MARCHF4: variants seen among roughly 807,000 people sequenced by gnomAD.
MARCHF4 encodes membrane associated ring-CH-type finger 4, also known as E3 ubiquitin-protein ligase MARCHF4.
Under a neutral mutation model 43.9 loss-of-function variants are expected in MARCHF4, and 14 were observed. The observed-to-expected ratio is 0.32, with a 90% CI of 0.21 to 0.50. The LOEUF (loss-of-function observed/expected upper bound fraction) is 0.50, where lower values mean the gene tolerates loss of function less well. Among genes scored for constraint, MARCHF4 ranks in the 20% least tolerant of loss-of-function variants. MARCHF4 has a pLI of 0.98. For synonymous variants in MARCHF4, 226 were observed against 213.3 expected (o/e 1.06, Z -0.52); for missense variants, 468 against 536.7 (o/e 0.87, Z 1.27).
intron 1 of MARCHF4, among the ~76,000 whole-genome samples, chr2:216,304,481 C>T (rs1691548348): frequency 6.6e-6 from 1 of 152,154 alleles, no homozygotes; most frequent in South Asian, 2.1e-4. Context: ...TGACCGAGGA[C>T]AAATTGAATG....
intron 3 of MARCHF4, among the ~76,000 whole-genome samples, chr2:216,262,981 C>T (rs565013656): frequency 4.6e-5 from 7 of 152,268 alleles, no homozygotes; most frequent in South Asian, 4.2e-4. Flanking sequence ...CAAATGCCTC[C>T]GGGGTACAGG....
At chr2:216,266,366 T>C (rs920526697) in intron 3 of MARCHF4, among the ~76,000 whole-genome samples, 5 of 152,122 alleles carry the variant, frequency 3.3e-5, no homozygotes, top group Non-Finnish European at 5.9e-5. Context: ...CCACATGATA[T>C]TGATTATCGT....
At chr2:216,326,695 G>A (rs1172634207) in intron 1 of MARCHF4, among the ~76,000 whole-genome samples, 1 of 151,876 alleles carries the variant, frequency 6.6e-6, no homozygotes. Flanking sequence ...ATCATTCTCA[G>A]TAAACTATCG....
At chr2:216,351,651 G>A (rs1005845636) in intron 1 of MARCHF4, 1 of 152,252 alleles carries the variant, frequency 6.6e-6, no homozygotes, top group Non-Finnish European at 1.5e-5. Flanking sequence ...AGCTCCATGA[G>A]AGTGGAGGCC....
At chr2:216,349,881 C>G (rs1692373542) in intron 1 of MARCHF4, among the ~76,000 whole-genome samples, 1 of 152,098 alleles carries the variant, frequency 6.6e-6, no homozygotes, top group Non-Finnish European at 1.5e-5. Context: ...TGCTCAAAAT[C>G]TTTATTATGT....
intron 3 of MARCHF4, among the ~76,000 whole-genome samples, chr2:216,274,132 G>A (rs997255820): frequency 4.6e-5 from 7 of 152,214 alleles, no homozygotes; most frequent in Admixed American, 4.6e-4. Flanking sequence ...GACTTCTGCG[G>A]GAACCCTGGA....
chr2:216,316,359 G>A (rs75951752), intron 1 of MARCHF4, among the ~76,000 whole-genome samples: 3,862 of 152,188 alleles, frequency 0.025, 165 homozygotes, highest in African/African-American at 0.088. Flanking sequence ...TTTCTAAAAC[G>A]GAGGCCCTAT....
intron 1 of MARCHF4, among the ~76,000 whole-genome samples, chr2:216,301,954 A>G (rs896180315): frequency 2.0e-5 from 3 of 152,210 alleles, no homozygotes; most frequent in African/African-American, 7.2e-5. Flanking sequence ...TGACATAGAG[A>G]AGTGGGACCA....
At chr2:216,297,173 T>C (rs1691410208) in intron 1 of MARCHF4, among the ~76,000 whole-genome samples, 1 of 152,224 alleles carries the variant, frequency 6.6e-6, no homozygotes, top group African/African-American at 2.4e-5. Context: ...GTAGCTTCTG[T>C]CATCTTGGCA....
At chr2:216,286,853 G>A (rs1691226291) in intron 1 of MARCHF4, among the ~76,000 whole-genome samples, 1 of 152,216 alleles carries the variant, frequency 6.6e-6, no homozygotes, top group Non-Finnish European at 1.5e-5. Flanking sequence ...ATGGATTCAA[G>A]CTAAACTTAG....
intron 3 of MARCHF4, among the ~76,000 whole-genome samples, chr2:216,273,337 C>A (rs1241572462): frequency 6.6e-6 from 1 of 152,188 alleles, no homozygotes; most frequent in Non-Finnish European, 1.5e-5. Context: ...TAAAGAAAGT[C>A]TAGAGACTCA....
At chr2:216,303,401 T>A (rs1262875039) in intron 1 of MARCHF4, 1 of 152,214 alleles carries the variant, frequency 6.6e-6, no homozygotes, top group Admixed American at 6.5e-5. Flanking sequence ...TTTAAAGAGA[T>A]AATTGACTGC....
At chr2:216,284,862 T>A (rs1691194039) in intron 1 of MARCHF4, among the ~76,000 whole-genome samples, 1 of 152,206 alleles carries the variant, frequency 6.6e-6, no homozygotes, top group Non-Finnish European at 1.5e-5. Flanking sequence ...CTGGTCTACC[T>A]GTCAGCTGTT....
intron 3 of MARCHF4, among the ~76,000 whole-genome samples, chr2:216,265,335 A>G (rs60187017): frequency 0.019 from 2,960 of 152,194 alleles, 98 homozygotes; most frequent in African/African-American, 0.067. Flanking sequence ...TTCTAGAAGA[A>G]TTGTCTCCTT....
At chr2:216,306,206 A>G (rs1457436777) in intron 1 of MARCHF4, among the ~76,000 whole-genome samples, 1 of 152,220 alleles carries the variant, frequency 6.6e-6, no homozygotes, top group Non-Finnish European at 1.5e-5. Flanking sequence ...CTATTCTCCA[A>G]AGAGAATTCT....
chr2:216,312,939 ATTG>A (rs1437075547), intron 1 of MARCHF4, among the ~76,000 whole-genome samples: 3 of 151,952 alleles, frequency 2.0e-5, no homozygotes, highest in South Asian at 4.1e-4. Context: ...TGGGATCTTC[ATTG>A]TAAATTCTCT....
At chr2:216,320,612 T>TTTCC (rs1559098519) in intron 1 of MARCHF4, among the ~76,000 whole-genome samples, 9 of 17,642 alleles carry the variant, frequency 5.1e-4, no homozygotes, top group Non-Finnish European at 8.7e-4. Flanking sequence ...CCTCTTTTTC[T>TTTCC]TTCTTTCTTT....
At chr2:216,357,022 CAAA>C (rs374187959) in intron 1 of MARCHF4, among the ~76,000 whole-genome samples, 2 of 133,458 alleles carry the variant, frequency 1.5e-5, no homozygotes, top group African/African-American at 5.5e-5. Context: ...GACTCTGTCT[CAAA>C]AAAAAAAAAA....
chr2:216,358,689 T>A (rs569218001), intron 1 of MARCHF4, among the ~76,000 whole-genome samples: 1 of 152,306 alleles, frequency 6.6e-6, no homozygotes, highest in East Asian at 1.9e-4. Flanking sequence ...CTACCTTTAT[T>A]GAGGTAGAGA....
Sources: gnomAD v4.1 joint callset for allele counts (sites outside exome capture counted in the v4.1 genomes callset) on GRCh38, gnomAD v4.1.1 for gene constraint, MANE v1.5 for transcripts, NCBI Gene and HGNC (gene_info 2026-07-23, HGNC 2026-07-21) for gene names.